GALNT13: variants seen among roughly 807,000 people sequenced by gnomAD.
The protein encoded by GALNT13 is UDP-GalNAc:polypeptide N-acetylgalactosaminyltransferase 13.
In GALNT13, 28 loss-of-function variants were observed where a neutral mutation model predicts 64.2. The ratio of observed to expected loss-of-function variants is 0.44; its 90% CI spans 0.32 to 0.60. GALNT13 has a LOEUF of 0.60. GALNT13 is among the 20% of genes least tolerant of loss of function. The pLI, the probability that GALNT13 is intolerant of heterozygous loss-of-function variation, is 0.05. For synonymous variants in GALNT13, 214 were observed against 224.6 expected (o/e 0.95, Z 0.42); for missense variants, 577 against 669.8 (o/e 0.86, Z 1.53).
chr2:153,225,020 A>T, the GALNT13 span, among the ~76,000 whole-genome samples: 2 of 152,232 alleles, frequency 1.3e-5, no homozygotes, highest in Non-Finnish European at 2.9e-5. Flanking sequence ...TCAGATAAAA[A>T]TATTACAAGA....
intron 3 of GALNT13, among the ~76,000 whole-genome samples, chr2:153,954,548 A>G (rs1692433207): frequency 6.6e-6 from 1 of 151,568 alleles, no homozygotes; most frequent in Non-Finnish European, 1.5e-5. Context: ...GTCAGGAATA[A>G]CAATTAATTA....
the GALNT13 span, among the ~76,000 whole-genome samples, chr2:153,562,289 C>T: frequency 2.0e-5 from 3 of 151,998 alleles, no homozygotes; most frequent in Non-Finnish European, 4.4e-5. Context: ...TTTATCAGTA[C>T]TATCAACCAT....
At chr2:154,025,700 T>C (rs1697906799) in intron 3 of GALNT13, among the ~76,000 whole-genome samples, 1 of 152,204 alleles carries the variant, frequency 6.6e-6, no homozygotes, top group South Asian at 2.1e-4. Flanking sequence ...ACTCACTCTG[T>C]ACCAAACATT....
chr2:153,822,616 C>G, the GALNT13 span, among the ~76,000 whole-genome samples: 1 of 152,172 alleles, frequency 6.6e-6, no homozygotes, highest in Admixed American at 6.5e-5. Flanking sequence ...CACACTCAAG[C>G]CAACATGTAC....
the GALNT13 span, among the ~76,000 whole-genome samples, chr2:153,289,495 ATAAGAATG>A: frequency 6.6e-6 from 1 of 152,200 alleles, no homozygotes; most frequent in Non-Finnish European, 1.5e-5. Context: ...AAGTAGTTGA[ATAAGAATG>A]TAAGGCAGAG....
chr2:153,226,363 T>C, the GALNT13 span, among the ~76,000 whole-genome samples: 1 of 152,216 alleles, frequency 6.6e-6, no homozygotes, highest in Non-Finnish European at 1.5e-5. Flanking sequence ...ATGTAGGTTA[T>C]ACATGGTGAC....
At chr2:154,017,330 T>A (rs569618271) in intron 3 of GALNT13, among the ~76,000 whole-genome samples, 2 of 152,310 alleles carry the variant, frequency 1.3e-5, no homozygotes, top group Admixed American at 6.5e-5. Flanking sequence ...TTCACATCCT[T>A]GTATGAGTAG....
the GALNT13 span, among the ~76,000 whole-genome samples, chr2:153,321,118 T>C: frequency 6.6e-6 from 1 of 152,204 alleles, no homozygotes; most frequent in Non-Finnish European, 1.5e-5. Context: ...TCTTAGTTGC[T>C]AAATCCCAGA....
chr2:153,839,940 A>G, the GALNT13 span, among the ~76,000 whole-genome samples: 1 of 152,070 alleles, frequency 6.6e-6, no homozygotes, highest in African/African-American at 2.4e-5. Context: ...CCAGCAGAGG[A>G]TGACTTAGTG....
At chr2:154,036,793 A>G (rs775547443) in intron 3 of GALNT13, among the ~76,000 whole-genome samples, 3 of 152,090 alleles carry the variant, frequency 2.0e-5, no homozygotes, top group Non-Finnish European at 1.5e-5. Flanking sequence ...ATGGTCTACA[A>G]GGTTGGCTGC....
intron 4 of GALNT13, among the ~76,000 whole-genome samples, chr2:154,157,793 T>C (rs901695913): frequency 3.3e-5 from 5 of 152,194 alleles, no homozygotes; most frequent in Non-Finnish European, 5.9e-5. Flanking sequence ...TGGTGCTATA[T>C]TTAACAGTCA....
intron 9 of GALNT13, among the ~76,000 whole-genome samples, chr2:154,302,529 C>A (rs1693502020): frequency 6.6e-6 from 1 of 152,140 alleles, no homozygotes; most frequent in African/African-American, 2.4e-5. Flanking sequence ...ATTTAAGTGT[C>A]AATGAAAAGA....
intron 3 of GALNT13, among the ~76,000 whole-genome samples, chr2:153,988,382 T>G (rs1192340293): frequency 6.6e-6 from 1 of 152,026 alleles, no homozygotes; most frequent in Non-Finnish European, 1.5e-5. Flanking sequence ...TTCCATGAGT[T>G]CACCTTTTTT....
At chr2:153,131,735 GGAAAAGAT>G in the GALNT13 span, among the ~76,000 whole-genome samples, 1 of 151,836 alleles carries the variant, frequency 6.6e-6, no homozygotes, top group Non-Finnish European at 1.5e-5. Flanking sequence ...AATACACCTG[GGAAAAGAT>G]ATACTTTAAG....
At chr2:153,447,805 A>T in the GALNT13 span, among the ~76,000 whole-genome samples, 1 of 152,208 alleles carries the variant, frequency 6.6e-6, no homozygotes, top group Non-Finnish European at 1.5e-5. Context: ...CAAAAATGAA[A>T]TAAATTGATT....
the GALNT13 span, among the ~76,000 whole-genome samples, chr2:153,224,743 A>T: frequency 6.6e-6 from 1 of 152,204 alleles, no homozygotes; most frequent in Non-Finnish European, 1.5e-5. Flanking sequence ...CAATTTGATA[A>T]CTTAGATGAA....
At chr2:153,545,753 G>C in the GALNT13 span, among the ~76,000 whole-genome samples, 1 of 152,110 alleles carries the variant, frequency 6.6e-6, no homozygotes, top group African/African-American at 2.4e-5. Context: ...GTCATAGTGG[G>C]ATCTGTCCCA....
At chr2:153,266,587 C>T in the GALNT13 span, among the ~76,000 whole-genome samples, 3 of 130,474 alleles carry the variant, frequency 2.3e-5, no homozygotes, top group African/African-American at 8.9e-5. Context: ...AGAGAGAGAG[C>T]TCGAGTGCAG....
intron 3 of GALNT13, among the ~76,000 whole-genome samples, chr2:154,083,387 C>T (rs1024310126): frequency 2.0e-5 from 3 of 151,898 alleles, no homozygotes; most frequent in African/African-American, 7.3e-5. Flanking sequence ...ATTGTCTTGG[C>T]TGTATGGGCT....
Sources: allele counts gnomAD v4.1 joint callset (sites outside exome capture counted in the v4.1 genomes callset), GRCh38; gene constraint gnomAD v4.1.1; transcripts MANE v1.5; gene names NCBI Gene and HGNC (gene_info 2026-07-23, HGNC 2026-07-21).